Variants in TTN observed in about 807,000 individuals in gnomAD.
TTN encodes the protein connectin.
TTN carries 1,525 observed loss-of-function variants against 3,223.0 expected under a neutral mutation model. The observed-to-expected ratio is 0.47, with a 90% CI of 0.45 to 0.49. The LOEUF (loss-of-function observed/expected upper bound fraction) is 0.49. TTN is among the 20% of genes least tolerant of loss of function. TTN has a pLI of 0.00. For missense variants in TTN, 40,786 were observed against 43,424.0 expected (o/e 0.94, Z 5.40); for synonymous variants, 14,094 against 15,161.0 (o/e 0.93, Z 5.17).
Position 178,740,341 on chromosome 2 carries a change from T to G in TTN, c.12892A>C (p.Thr4298Pro). The G allele has an allele frequency of 6.2e-7, 1 of 1,613,774 alleles. No individual in the cohort carries two copies. Among genetic ancestry groups the G allele is most frequent in the Non-Finnish European group, 8.5e-7 (1 of 1,179,796 alleles). Residue 4298 changes from threonine (T) to proline (P), a missense_variant, in exon 48 of 363, where the codon ACA (threonine) becomes CCA (proline). Thr to Pro is a conservative substitution (Grantham distance 38). Coordinates refer to ENST00000589042, the MANE Select transcript of TTN (RefSeq NM_001267550.2). ...TCTATCAAAATTTTACCTCCTTCTG[T>G]GCATGAGTGTTCTGAAGGGACTAGG... is the stretch of plus-strand genomic sequence containing the variant. ...EPLVPSEHSC[T>P]EGGKILIESA...
Position 178,607,694 on chromosome 2 carries a change from AG to A in TTN, c.53003-10del. On this transcript the variant is annotated splice_polypyrimidine_tract_variant and intron_variant, in intron 276 of 362. Coordinates refer to ENST00000589042, the MANE Select transcript of TTN (RefSeq NM_001267550.2). The stretch of plus-strand genomic sequence containing the variant: ...TTCCACAGCTGGAGGCTCTGTTGAA[AG>A]AGAACAGTCATGCATTAGCCCATGA... 1 of 1,612,838 alleles carries A rather than the reference AG, an allele frequency of 6.2e-7. No homozygotes were observed. The highest frequency in any genetic ancestry group is 8.5e-7 in the Non-Finnish European group (1 of 1,179,308).
chr2:178,628,469 CA>C (rs1364290306), intron 240 of TTN, among the ~76,000 whole-genome samples: 2 of 151,910 alleles, frequency 1.3e-5, no homozygotes, highest in African/African-American at 4.8e-5. Context: ...TTTAAGAATT[CA>C]AAATTAATGA....
In TTN at chr2:178,631,135, T is replaced by C. The variant is rs878896650; in HGVS notation, c.43913A>G (p.Lys14638Arg). 3.7e-6 allele frequency: 6 copies of C among 1,613,392 alleles called. No individual in the cohort carries two copies. Among genetic ancestry groups the C allele is most frequent in the Non-Finnish European group, 5.1e-6 (6 of 1,179,606 alleles). The change falls in exon 237 of 363, where the codon AAG becomes AGG. Residue 14638 changes from lysine (K) to arginine (R), a missense_variant. Lys to Arg is a conservative substitution (Grantham distance 26). Coordinates refer to ENST00000589042, the MANE Select transcript of TTN (RefSeq NM_001267550.2). ...TTTCTTTAGGATTAGCATGCGTTTC[T>C]TGCCATCTGCCTTAATAACAGCATT... Reference protein sequence around the residue: ...SKNAVIKADGKKRMLILKKAL... With the variant: ...SKNAVIKADGRKRMLILKKAL...
In TTN at chr2:178,607,656, C is replaced by G; in HGVS notation, c.53032G>C (p.Val17678Leu). 1 of 1,612,986 alleles carries G rather than the reference C, an allele frequency of 6.2e-7. No individual in the cohort carries two copies. The highest frequency in any genetic ancestry group is 8.5e-7 in the Non-Finnish European group (1 of 1,179,354). ...EPPAVELDVS[V>L]KGGIQIMAGK... ...GCCATTATTTGTATTCCACCCTTGACAGAAACATCCAGTTCCACAGCTGGA... is the reference window on the plus strand; with the variant it reads ...GCCATTATTTGTATTCCACCCTTGAGAGAAACATCCAGTTCCACAGCTGGA... The change falls in exon 277 of 363, where the codon GTC becomes CTC. Residue 17678 changes from valine (V) to leucine (L), a missense_variant. Physicochemically the swap from Val to Leu is conservative, Grantham distance 32 (BLOSUM62 1). Transcript: ENST00000589042.
chr2:178,630,152 AC>A, intron 239 of TTN, 88 bp downstream of exon 239: 2 of 1,559,634 alleles, frequency 1.3e-6, no homozygotes, highest in Non-Finnish European at 1.8e-6. Flanking sequence ...ATATTTTCTA[AC>A]TAATAAAATA....
At chr2:178,758,738 C>G (rs1156623135) in intron 44 of TTN, 1 of 534,574 alleles carries the variant, frequency 1.9e-6, no homozygotes, top group Non-Finnish European at 3.4e-6. Flanking sequence ...CTGGTGACAG[C>G]AGCAATACAT....
At chr2:178,789,237 A>T in intron 13 of TTN, 123 bp downstream of exon 13, 1 of 1,330,424 alleles carries the variant, frequency 7.5e-7, no homozygotes, top group Non-Finnish European at 1.1e-6. Flanking sequence ...TTTGGTTAAT[A>T]GTGACTCATA....
chr2:178,637,941 T>A (rs2060707632), intron 223 of TTN, among the ~76,000 whole-genome samples: 1 of 152,004 alleles, frequency 6.6e-6, no homozygotes, highest in Non-Finnish European at 1.5e-5. Context: ...AAGATTTCCT[T>A]TAGACAATGA....
At position 178,702,029 on chromosome 2, in the gene TTN, A is replaced by G. The variant is rs1425421746; in HGVS notation, c.30538+11T>C. The G allele has an allele frequency of 1.2e-6, 2 of 1,609,388 alleles. No homozygotes were observed. Among genetic ancestry groups the G allele is most frequent in the Non-Finnish European group, 1.7e-6 (2 of 1,177,590 alleles). On this transcript the variant is annotated intron_variant, in intron 109 of 362. Transcript: ENST00000589042. ...TTGTAAGCAAGGATTGATTTTTACA[A>G]AACAACTTACCAGGAGGCTTCAGCT...
rs759848349 is a variant in TTN, at chr2:178,579,834, C to T, written c.67363G>A (p.Val22455Ile). Residue 22455 changes from valine (V) to isoleucine (I), a missense_variant, in exon 319 of 363, where the codon GTT becomes ATT. Transcript: ENST00000589042. ...AVKASQTPGP[V>I]VDLKVRSVSK... ...ACAGACCTCACTTTCAGGTCCACAA[C>T]TGGTCCAGGAGTTTCTAAAGCAAAG... 29 of 1,613,086 alleles carry T rather than the reference C, an allele frequency of 1.8e-5. No homozygotes were observed. Among genetic ancestry groups the T allele is most frequent in the Non-Finnish European group, 2.5e-5 (29 of 1,179,482 alleles).
chr2:178,739,846 C>T lies in TTN; in HGVS notation c.13387G>A (p.Asp4463Asn). 6.2e-7 allele frequency: 1 copy of T among 1,613,882 alleles called. No homozygotes were observed. The highest frequency in any genetic ancestry group is 8.5e-7 in the Non-Finnish European group (1 of 1,179,838). The change falls in exon 48 of 363, where the codon GAT (aspartate) becomes AAT (asparagine). Residue 4463 changes from aspartate to asparagine, a missense_variant. Coordinates refer to ENST00000589042, the MANE Select transcript of TTN (RefSeq NM_001267550.2). ...ATTTTCAGGTTAGCCATTTGAGGATCAACATCTTCAATAATGATGGTTACT... is the reference window on the plus strand; with the variant it reads ...ATTTTCAGGTTAGCCATTTGAGGATTAACATCTTCAATAATGATGGTTACT... ...EEVTIIIEDVDPQMANLKMEL... is the reference protein window; with the variant it reads ...EEVTIIIEDVNPQMANLKMEL...
chr2:178,799,377 C>G, intron 6 of TTN, 110 bp downstream of exon 6: 1 of 1,549,776 alleles, frequency 6.5e-7, no homozygotes, highest in Non-Finnish European at 8.8e-7. Flanking sequence ...ACTGAAGAAG[C>G]GAACCACTCT....
rs1400751530 is a variant in TTN, at chr2:178,764,732, C to T, written c.9783G>A (p.Val3261=). The change falls in exon 42 of 363, where the codon GTG becomes GTA. Residue 3261 remains valine, a synonymous_variant. Transcript: ENST00000589042. ...QSGKPARFCA[V]ISGRPQPKIS... is the part of the protein sequence containing the mutation. ...TTTTGGGCTGTGGTCTTCCGGATAT[C>T]ACGGCACAGAAGCGGGCAGGCTTGC... is the stretch of plus-strand genomic sequence containing the variant. The T allele has an allele frequency of 6.2e-7, 1 of 1,613,966 alleles. No homozygotes were observed. The highest frequency in any genetic ancestry group is 1.3e-5 in the African/African-American group (1 of 74,908).
At chr2:178,748,718 G>A in intron 47 of TTN, 1 of 1,612,606 alleles carries the variant, frequency 6.2e-7, no homozygotes, top group South Asian at 1.1e-5. Context: ...TTTAGAAATT[G>A]CAGGTTTATC....
chr2:178,682,485 G>A (rs957321420), intron 135 of TTN, among the ~76,000 whole-genome samples: 16 of 152,010 alleles, frequency 1.1e-4, no homozygotes, highest in African/African-American at 3.9e-4. Flanking sequence ...CGGAACAAAA[G>A]TCTAACAATA....
At chr2:178,699,732 T>C (rs2074577290) in intron 111 of TTN, among the ~76,000 whole-genome samples, 1 of 131,250 alleles carries the variant, frequency 7.6e-6, no homozygotes, top group Non-Finnish European at 1.6e-5. Context: ...AATTTTTTTT[T>C]TTTTTTTTTT....
rs760991295 is a variant in TTN, at chr2:178,533,614, A to C, written c.103001T>G (p.Val34334Gly). The C allele has an allele frequency of 6.2e-7, 1 of 1,613,964 alleles. No homozygotes were observed. Among genetic ancestry groups the C allele is most frequent in the East Asian group, 2.2e-5 (1 of 44,882 alleles). Residue 34334 changes from valine (V) to glycine (G), a missense_variant, in exon 358 of 363, where the codon GTG (valine) becomes GGG (glycine). Transcript: ENST00000589042. ...GTCTTCACCATATTTGTTCCTTGCC[A>C]CAACAGTATATTCAGCGTCATCATC... ...TTDDDAEYTV[V>G]ARNKYGEDSC... is the part of the protein sequence containing the mutation.
chr2:178,608,620 G>A lies in TTN; in HGVS notation c.52391C>T (p.Ala17464Val). 2 of 1,610,484 alleles carry A rather than the reference G, an allele frequency of 1.2e-6. No homozygotes were observed. The highest frequency in any genetic ancestry group is 1.7e-6 in the Non-Finnish European group (2 of 1,178,460). Residue 17464 changes from alanine to valine, a missense_variant, in exon 274 of 363, where the codon GCT becomes GTT. Transcript: ENST00000589042. ...AGGAAACTTACCAAATGGATCTTTAGCCACAAGTGGCTTTGAAACACATGG... is the reference window on the plus strand; with the variant it reads ...AGGAAACTTACCAAATGGATCTTTAACCACAAGTGGCTTTGAAACACATGG... ...GPPCVSKPLV[A>V]KDPFGPPDAP...
rs1250215219 is a variant in TTN, at chr2:178,557,671, C to G, written c.87683G>C (p.Cys29228Ser). Reference sequence around the variant, plus strand: ...ACTGTATGGTAGTTTGACAGTCACACAAGCTGAATCTATATGATCACTGAT... The same window carrying G: ...ACTGTATGGTAGTTTGACAGTCACAGAAGCTGAATCTATATGATCACTGAT... ...FGISDHIDSACVTVKLPYTTP... is the reference protein window; with the variant it reads ...FGISDHIDSASVTVKLPYTTP... Residue 29228 changes from cysteine (C) to serine (S), a missense_variant, in exon 328 of 363, where the codon TGT becomes TCT. By Grantham distance (112) the Cys-to-Ser change is moderately radical (BLOSUM62 -1). Coordinates refer to ENST00000589042, the MANE Select transcript of TTN (RefSeq NM_001267550.2). 2 of 1,613,828 alleles carry G rather than the reference C, an allele frequency of 1.2e-6. No homozygotes were observed. The highest frequency in any genetic ancestry group is 3.3e-5 in the Admixed American group (2 of 59,992).
Sources: allele counts gnomAD v4.1 joint callset (sites outside exome capture counted in the v4.1 genomes callset), GRCh38; gene constraint gnomAD v4.1.1; transcripts MANE v1.5; gene names NCBI Gene and HGNC (gene_info 2026-07-23, HGNC 2026-07-21).